The following ADTRP variants were observed in gnomAD, a reference collection of about 807,000 sequenced individuals.
The protein encoded by ADTRP is androgen dependent TFPI regulating protein.
Under a neutral mutation model 27.0 loss-of-function variants are expected in ADTRP, and 20 were observed. That is an observed-to-expected ratio of 0.74 (90% confidence interval 0.52 to 1.08). ADTRP has a LOEUF of 1.08. Ranked by LOEUF, ADTRP falls within the 50% of genes least tolerant of loss-of-function variation. The pLI is 0.00. For synonymous variants in ADTRP, 101 were observed against 105.2 expected (o/e 0.96, Z 0.25); for missense variants, 251 against 275.0 (o/e 0.91, Z 0.62).
intron 5 of ADTRP, 45 bp from the exon 6 acceptor site, chr6:11,714,557 C>T (rs762519709): frequency 1.0e-5 from 16 of 1,593,292 alleles, no homozygotes; most frequent in South Asian, 1.2e-5. Context: ...TCAGGCTTTC[C>T]CTAATGGGTA....
At chr6:11,778,074 T>C (rs1173683738) in intron 1 of ADTRP, among the ~76,000 whole-genome samples, 1 of 152,242 alleles carries the variant, frequency 6.6e-6, no homozygotes, top group Admixed American at 6.5e-5. Context: ...GTTGGGTGAT[T>C]TGTCCTTTAA....
intron 3 of ADTRP, among the ~76,000 whole-genome samples, chr6:11,741,417 G>C (rs751752363): frequency 6.6e-6 from 1 of 152,202 alleles, no homozygotes; most frequent in African/African-American, 2.4e-5. Context: ...GGGGAAACAT[G>C]AATAGTCTTT....
At chr6:11,774,344 C>T (rs986512183) in intron 1 of ADTRP, among the ~76,000 whole-genome samples, 6 of 39,986 alleles carry the variant, frequency 1.5e-4, no homozygotes, top group African/African-American at 4.9e-4. Context: ...ATAAATAGTG[C>T]CATAGATTAT....
At chr6:11,737,408 T>C (rs1762586765) in intron 3 of ADTRP, among the ~76,000 whole-genome samples, 1 of 152,160 alleles carries the variant, frequency 6.6e-6, no homozygotes. Flanking sequence ...TGTCATTGCG[T>C]TCCCATGCCC....
At chr6:11,771,253 G>T (rs1028478391) in intron 1 of ADTRP, among the ~76,000 whole-genome samples, 4 of 152,182 alleles carry the variant, frequency 2.6e-5, no homozygotes, top group Non-Finnish European at 5.9e-5. Context: ...GCCTCTCTAG[G>T]TGCCCACGGT....
intron 1 of ADTRP, among the ~76,000 whole-genome samples, chr6:11,773,376 T>A (rs1763849237): frequency 6.6e-6 from 1 of 152,124 alleles, no homozygotes; most frequent in African/African-American, 2.4e-5. Flanking sequence ...CAGACATCTA[T>A]GAGAGGCAAA....
rs368463406 is a variant in ADTRP, at chr6:11,723,336, G to A, written c.658+13C>T. 6.2e-7 allele frequency: 1 copy of A among 1,613,684 alleles called. No individual in the cohort carries two copies. The highest frequency in any genetic ancestry group is 8.5e-7 in the Non-Finnish European group (1 of 1,179,882). ...AAGAAGCGCATCTGTAGCTAAGAAA[G>A]AAATACACTGACCCCATTTCCAGTG... On this transcript the variant is annotated intron_variant, in intron 5 of 5. Transcript: ENST00000414691.
At chr6:11,770,388 G>C (rs917945462) in intron 1 of ADTRP, among the ~76,000 whole-genome samples, 2 of 152,162 alleles carry the variant, frequency 1.3e-5, no homozygotes, top group Non-Finnish European at 2.9e-5. Flanking sequence ...CAAGAGAGGC[G>C]GGGCTGGGGA....
chr6:11,739,702 T>A (rs1483303733), intron 3 of ADTRP, among the ~76,000 whole-genome samples: 1 of 152,210 alleles, frequency 6.6e-6, no homozygotes, highest in Non-Finnish European at 1.5e-5. Context: ...TACAGGTAGA[T>A]AAGTGGCTCC....
intron 3 of ADTRP, 56 bp from the exon 4 acceptor site, chr6:11,735,739 G>A: frequency 8.3e-7 from 1 of 1,200,476 alleles, no homozygotes; most frequent in South Asian, 1.3e-5. Context: ...TGCCTACAGT[G>A]CCCATAATTC....
intron 3 of ADTRP, among the ~76,000 whole-genome samples, chr6:11,762,741 A>C (rs1169264084): frequency 6.6e-6 from 1 of 152,206 alleles, no homozygotes; most frequent in Non-Finnish European, 1.5e-5. Context: ...CTCAATAATC[A>C]TGTACTATTT....
chr6:11,762,409 T>C (rs1274659545), intron 3 of ADTRP, among the ~76,000 whole-genome samples: 6 of 152,208 alleles, frequency 3.9e-5, no homozygotes, highest in Admixed American at 3.9e-4. Context: ...GTCAAAACCC[T>C]CAATAAATAT....
chr6:11,771,618 G>A (rs1460641515), intron 1 of ADTRP, among the ~76,000 whole-genome samples: 1 of 152,202 alleles, frequency 6.6e-6, no homozygotes, highest in Non-Finnish European at 1.5e-5. Flanking sequence ...GGAGCGATCA[G>A]GGGAGGCAAT....
chr6:11,745,047 C>G (rs1008118826), intron 3 of ADTRP, among the ~76,000 whole-genome samples: 27 of 152,172 alleles, frequency 1.8e-4, no homozygotes, highest in Admixed American at 1.8e-3. Flanking sequence ...TGCCTCTGGC[C>G]TTCTCTCCCT....
At chr6:11,745,107 A>G (rs1213847203) in intron 3 of ADTRP, among the ~76,000 whole-genome samples, 2 of 151,876 alleles carry the variant, frequency 1.3e-5, no homozygotes, top group African/African-American at 4.8e-5. Context: ...GTTTTGTGAG[A>G]ATGGCATCTA....
At chr6:11,726,830 C>G (rs1042453208) in intron 4 of ADTRP, among the ~76,000 whole-genome samples, 1 of 151,982 alleles carries the variant, frequency 6.6e-6, no homozygotes, top group Non-Finnish European at 1.5e-5. Context: ...TATTGTGTAC[C>G]TTTTACCACA....
chr6:11,760,102 G>A (rs1489139236), intron 3 of ADTRP, among the ~76,000 whole-genome samples: 1 of 152,202 alleles, frequency 6.6e-6, no homozygotes, highest in Non-Finnish European at 1.5e-5. Flanking sequence ...ACTGTGTTCA[G>A]TTACGAAATT....
At chr6:11,715,037 T>C (rs184787331) in intron 5 of ADTRP, among the ~76,000 whole-genome samples, 1 of 152,366 alleles carries the variant, frequency 6.6e-6, no homozygotes, top group East Asian at 1.9e-4. Context: ...ACTGAAATTA[T>C]AGCATTAGAT....
At chr6:11,771,532 C>G (rs190079339) in intron 1 of ADTRP, among the ~76,000 whole-genome samples, 84 of 152,278 alleles carry the variant, frequency 5.5e-4, no homozygotes, top group Non-Finnish European at 9.4e-4. Context: ...CCATCCCACC[C>G]GAACGGTCTG....
Sources: allele counts gnomAD v4.1 joint callset (sites outside exome capture counted in the v4.1 genomes callset), GRCh38; gene constraint gnomAD v4.1.1; transcripts MANE v1.5; gene names NCBI Gene and HGNC (gene_info 2026-07-23, HGNC 2026-07-21).